The following UGT1A10 variants were observed in gnomAD, a reference collection of about 807,000 sequenced individuals.
The protein encoded by UGT1A10 is UDP-glucuronosyltransferase 1A10.
In UGT1A10, 49 loss-of-function variants were observed where a neutral mutation model predicts 45.8. That is an observed-to-expected ratio of 1.07 (90% CI 0.85 to 1.36). UGT1A10 has a LOEUF of 1.36. Among genes scored for constraint, UGT1A10 ranks in the 40% most tolerant of loss-of-function variants. The pLI, the probability that UGT1A10 is intolerant of heterozygous loss-of-function variation, is 0.00. For missense variants in UGT1A10, 745 were observed against 668.6 expected (o/e 1.11, Z -1.26); for synonymous variants, 284 against 249.7 (o/e 1.14, Z -1.29).
At chr2:233,668,230 G>A (rs528462666) in intron 1 of UGT1A10, among the ~76,000 whole-genome samples, 37 of 151,864 alleles carry the variant, frequency 2.4e-4, no homozygotes, top group South Asian at 1.0e-3. Flanking sequence ...GACAGGCCCC[G>A]GTGTGCGATA....
chr2:233,769,776 G>A lies in UGT1A10; in HGVS notation c.1295+1337G>A. ...AGGCTAAGGCGGGAGGATTGCTTGAGCCCAGAAGTTGGAGGCTGCTATGAG... is the reference window on the plus strand; with the variant it reads ...AGGCTAAGGCGGGAGGATTGCTTGAACCCAGAAGTTGGAGGCTGCTATGAG... On this transcript the variant is annotated intron_variant, in intron 4 of 4. Transcript: ENST00000344644. This position sits in a 1 kb window ranked among gnomAD's most constrained non-coding sequence, Gnocchi z 4.4. The A allele has an allele frequency of 7.3e-7, 1 of 1,373,770 alleles. No individual in the cohort carries two copies. The allele number at this position is 1,373,770 out of a possible 1,614,324, so 85.1% of individuals were successfully genotyped here. A position where few individuals can be genotyped will look rare whatever the true frequency, so the allele number is the denominator to read the frequency against.
chr2:233,747,949 T>G lies in UGT1A10; in HGVS notation c.856-19085T>G. ...CTTTTTCAGAGGGAGGTGTCAGTGG[T>G]GGATCTTCTCAGCCATGCATCTGTG... is the stretch of plus-strand genomic sequence containing the variant. On this transcript the variant is annotated intron_variant, in intron 1 of 4. Transcript: ENST00000344644. 2.5e-6 allele frequency: 4 copies of G among 1,613,408 alleles called. No individual in the cohort carries two copies. In the South Asian group the frequency reaches 4.4e-5, roughly 18 times the overall value.
chr2:233,735,799 G>A (rs61296714), intron 1 of UGT1A10, among the ~76,000 whole-genome samples: 5,119 of 152,182 alleles, frequency 0.034, 99 homozygotes, highest in African/African-American at 0.051. Context: ...GAATTTCTGG[G>A]TTGAAAATTC....
At chr2:233,741,718 G>C (rs530950175) in intron 1 of UGT1A10, 1 of 151,992 alleles carries the variant, frequency 6.6e-6, no homozygotes, top group South Asian at 2.1e-4. Flanking sequence ...GGGTTCTAGA[G>C]CATATCCAAA....
intron 1 of UGT1A10, among the ~76,000 whole-genome samples, chr2:233,744,831 G>T (rs1406769887): frequency 6.6e-6 from 1 of 151,816 alleles, no homozygotes; most frequent in Non-Finnish European, 1.5e-5. Flanking sequence ...TTTGAGAATC[G>T]CTAGTCTAGC....
intron 1 of UGT1A10, chr2:233,743,681 C>A: frequency 7.3e-7 from 1 of 1,367,264 alleles, no homozygotes; most frequent in Non-Finnish European, 9.8e-7. Flanking sequence ...GGGCCTGCCG[C>A]CTGTGCAGCC....
At chr2:233,652,008 A>G (rs2073755749) in intron 1 of UGT1A10, among the ~76,000 whole-genome samples, 1 of 152,196 alleles carries the variant, frequency 6.6e-6, no homozygotes, top group Non-Finnish European at 1.5e-5. Context: ...AAAAAAAGGA[A>G]TCACTGCCAG....
Position 233,769,525 on chromosome 2 carries a change from C to T in UGT1A10, c.1295+1086C>T. On this transcript the variant is annotated intron_variant, in intron 4 of 4. Transcript: ENST00000344644. The surrounding 1 kb of genome is among the most constrained non-coding windows in gnomAD (Gnocchi z 4.4). ...CATTGCTTTCTCCCATGGTTACCTC[C>T]TTTAGAAAGAAGCAGCAGTCAGGAA... 1 of 1,612,854 alleles carries T rather than the reference C, an allele frequency of 6.2e-7. No individual in the cohort carries two copies. Among genetic ancestry groups the T allele is most frequent in the Non-Finnish European group, 8.5e-7 (1 of 1,179,858 alleles).
chr2:233,768,183 A>T (rs753962326), intron 3 of UGT1A10, 37 bp from the exon 4 acceptor site: 2 of 1,614,004 alleles, frequency 1.2e-6, no homozygotes, highest in Admixed American at 3.3e-5. Context: ...AAACTCAGAG[A>T]TGTAACTGCT....
At position 233,767,956 on chromosome 2, in the gene UGT1A10, T is replaced by C; in HGVS notation, c.1075+20T>C. The stretch of plus-strand genomic sequence containing the variant: ...TGCTTGGTATGTTGGGCGGATTGGA[T>C]GTATAGGTCAAACCAGGGTCAAATT... On this transcript the variant is annotated intron_variant, in intron 3 of 4. Coordinates refer to ENST00000344644, the MANE Select transcript of UGT1A10 (RefSeq NM_019075.4). 1.9e-6 allele frequency: 3 copies of C among 1,614,192 alleles called. No homozygotes were observed. Among genetic ancestry groups the C allele is most frequent in the Non-Finnish European group, 2.5e-6 (3 of 1,180,026 alleles).
Position 233,767,868 on chromosome 2 carries a change from G to A in UGT1A10, c.1007G>A (p.Gly336Glu). 6.2e-7 allele frequency: 1 copy of A among 1,614,124 alleles called. No individual in the cohort carries two copies. The change falls in exon 3 of 5, where the codon GGA (glycine) becomes GAA (glutamate). Residue 336 changes from glycine to glutamate, a missense_variant. Physicochemically the swap from Gly to Glu is moderately conservative, Grantham distance 98 (BLOSUM62 -2). Coordinates refer to ENST00000344644, the MANE Select transcript of UGT1A10 (RefSeq NM_019075.4). ...TCCCAGGTCCTGTGGCGGTACACTG[G>A]AACCCGACCATCGAATCTTGCGAAC... ...IPQTVLWRYTGTRPSNLANNT... is the reference protein window; with the variant it reads ...IPQTVLWRYTETRPSNLANNT...
chr2:233,711,430 T>A (rs2076180899), intron 1 of UGT1A10, among the ~76,000 whole-genome samples: 1 of 152,218 alleles, frequency 6.6e-6, no homozygotes, highest in African/African-American at 2.4e-5. Context: ...GTGCTTAGGA[T>A]GCATACAGTT....
intron 1 of UGT1A10, among the ~76,000 whole-genome samples, chr2:233,750,910 G>A (rs1371262201): frequency 6.6e-6 from 1 of 151,884 alleles, no homozygotes; most frequent in African/African-American, 2.4e-5. Flanking sequence ...GCTAGAGAAG[G>A]GTGGTAAAGA....
At chr2:233,654,409 C>T (rs1444025215) in intron 1 of UGT1A10, among the ~76,000 whole-genome samples, 2 of 152,156 alleles carry the variant, frequency 1.3e-5, no homozygotes, top group Non-Finnish European at 2.9e-5. Context: ...TGTTTCTTAG[C>T]ATAACCTGTA....
chr2:233,648,758 C>G, intron 1 of UGT1A10: 1 of 697,012 alleles, frequency 1.4e-6, no homozygotes, highest in Non-Finnish European at 2.3e-6. Flanking sequence ...GCCACCACAC[C>G]CAGCCTGGAT....
intron 1 of UGT1A10, among the ~76,000 whole-genome samples, chr2:233,757,540 A>ATATATATATATATATATATATATATG (rs1696599685): frequency 2.6e-5 from 3 of 116,538 alleles, no homozygotes; most frequent in Non-Finnish European, 5.4e-5. Flanking sequence ...TAAGGAATAT[A>ATATATATATATATATATATATATATG]TATATATATA....
intron 1 of UGT1A10, among the ~76,000 whole-genome samples, chr2:233,733,067 T>A (rs1039618890): frequency 3.2e-4 from 48 of 152,298 alleles, no homozygotes; most frequent in Non-Finnish European, 4.6e-4. Flanking sequence ...ATTCTCTTTG[T>A]AGCAATTGTG....
intron 1 of UGT1A10, among the ~76,000 whole-genome samples, chr2:233,705,671 A>G (rs1206760677): frequency 6.6e-6 from 1 of 152,224 alleles, no homozygotes; most frequent in African/African-American, 2.4e-5. Context: ...TAGTTGTGAG[A>G]TAATATTCAC....
chr2:233,653,098 G>A (rs1271567934), intron 1 of UGT1A10, among the ~76,000 whole-genome samples: 3 of 152,206 alleles, frequency 2.0e-5, no homozygotes, highest in Non-Finnish European at 4.4e-5. Flanking sequence ...GGCAACCACA[G>A]TCCCAAAAGA....
Sources: gnomAD v4.1 joint callset for allele counts (sites outside exome capture counted in the v4.1 genomes callset) on GRCh38, gnomAD v4.1.1 for gene constraint, Gnocchi (gnomAD v3.1) non-coding constraint, MANE v1.5 for transcripts, NCBI Gene and HGNC (gene_info 2026-07-23, HGNC 2026-07-21) for gene names.